Variants in SEMA6D observed in about 807,000 individuals in gnomAD.
SEMA6D encodes semaphorin 6D.
In SEMA6D, 35 loss-of-function variants were observed where a neutral mutation model predicts 106.6. The observed-to-expected ratio is 0.33, with a 90% CI of 0.25 to 0.44. The LOEUF (loss-of-function observed/expected upper bound fraction) is 0.44. Among genes scored for constraint, SEMA6D ranks in the 20% least tolerant of loss-of-function variants. The pLI is 1.00. For synonymous variants in SEMA6D, 499 were observed against 487.7 expected (o/e 1.02, Z -0.31); for missense variants, 1,185 against 1,345.9 (o/e 0.88, Z 1.87).
At chr15:47,268,858 C>T (rs1171073072) in intron 1 of SEMA6D, among the ~76,000 whole-genome samples, 2 of 152,084 alleles carry the variant, frequency 1.3e-5, no homozygotes, top group Non-Finnish European at 2.9e-5. Context: ...GATTGCTTAC[C>T]ACCCTACCCT....
chr15:47,633,761 A>G (rs1772296243), intron 4 of SEMA6D, among the ~76,000 whole-genome samples: 1 of 152,184 alleles, frequency 6.6e-6, no homozygotes, highest in Non-Finnish European at 1.5e-5. Context: ...GAAGATACAA[A>G]CGATAACTCT....
intron 3 of SEMA6D, among the ~76,000 whole-genome samples, chr15:47,520,413 C>T (rs1381171544): frequency 6.6e-6 from 1 of 152,118 alleles, no homozygotes; most frequent in Non-Finnish European, 1.5e-5. Context: ...TTCTTCACCA[C>T]ATCGCAATTT....
At chr15:47,318,024 CT>C (rs71425594) in intron 1 of SEMA6D, among the ~76,000 whole-genome samples, 6,738 of 116,872 alleles carry the variant, frequency 0.058, 407 homozygotes, top group African/African-American at 0.18. Flanking sequence ...TCCCACAGTT[CT>C]TTTTTTTTTT....
At chr15:47,245,030 GT>G (rs71425590) in intron 1 of SEMA6D, among the ~76,000 whole-genome samples, 15,050 of 147,900 alleles carry the variant, frequency 0.1, 1,190 homozygotes, top group African/African-American at 0.23. Flanking sequence ...ACATGATTTT[GT>G]TTTTTTTTTT....
chr15:47,505,586 T>G (rs919280983), intron 3 of SEMA6D, among the ~76,000 whole-genome samples: 1 of 152,210 alleles, frequency 6.6e-6, no homozygotes, highest in Non-Finnish European at 1.5e-5. Flanking sequence ...CTGACATCCT[T>G]GTTCTTAGGA....
chr15:47,650,161 A>G (rs2077658422), intron 4 of SEMA6D, among the ~76,000 whole-genome samples: 1 of 152,124 alleles, frequency 6.6e-6, no homozygotes. Flanking sequence ...GGGTTAACTG[A>G]CTTGTGCAAA....
Position 47,771,054 on chromosome 15 carries a change from C to T in SEMA6D, c.2491C>T (p.Pro831Ser). ...GCATATCCCCAGTGCCATTGTTCTT[C>T]CAAATGCTACCCATGACTACAACAC... ...HGHIPSAIVL[P>S]NATHDYNTSF... Residue 831 changes from proline (P) to serine (S), a missense_variant, in exon 19 of 19, where the codon CCA becomes TCA. Pro to Ser is a moderately conservative substitution (Grantham distance 74). Coordinates refer to ENST00000536845, the MANE Select transcript of SEMA6D (RefSeq NM_001358351.3). The T allele has an allele frequency of 6.2e-7, 1 of 1,614,142 alleles. No individual in the cohort carries two copies.
intron 4 of SEMA6D, among the ~76,000 whole-genome samples, chr15:47,638,629 A>G (rs951093336): frequency 2.6e-5 from 4 of 152,220 alleles, no homozygotes; most frequent in Admixed American, 6.5e-5. Context: ...TCAATGTACT[A>G]TTTCAAATGT....
intron 3 of SEMA6D, among the ~76,000 whole-genome samples, chr15:47,522,888 A>T (rs546310039): frequency 1.2e-4 from 18 of 152,318 alleles, no homozygotes; most frequent in African/African-American, 4.3e-4. Flanking sequence ...TCTATAAGGG[A>T]TGATGAAGCT....
At chr15:47,228,510 T>A (rs1018872351) in intron 1 of SEMA6D, among the ~76,000 whole-genome samples, 15 of 152,130 alleles carry the variant, frequency 9.9e-5, no homozygotes, top group South Asian at 4.1e-4. Flanking sequence ...TCTCAGTCAG[T>A]TCCTAGTTGA....
chr15:47,555,384 A>G (rs1382495589), intron 3 of SEMA6D, among the ~76,000 whole-genome samples: 1 of 152,198 alleles, frequency 6.6e-6, no homozygotes, highest in Non-Finnish European at 1.5e-5. Context: ...AAACTGACAA[A>G]TTAATTCAGT....
intron 4 of SEMA6D, among the ~76,000 whole-genome samples, chr15:47,698,921 A>G (rs2078754754): frequency 1.3e-5 from 2 of 152,168 alleles, no homozygotes; most frequent in African/African-American, 4.8e-5. Flanking sequence ...TACCACCACC[A>G]TTCCAAGGCG....
chr15:47,254,230 A>C (rs992366419), intron 1 of SEMA6D, among the ~76,000 whole-genome samples: 1 of 150,364 alleles, frequency 6.7e-6, no homozygotes, highest in African/African-American at 2.4e-5. Flanking sequence ...TAGTTATAAT[A>C]GTTTTTGGTG....
At chr15:47,507,906 G>T (rs1351731657) in intron 3 of SEMA6D, among the ~76,000 whole-genome samples, 1 of 152,134 alleles carries the variant, frequency 6.6e-6, no homozygotes, top group East Asian at 1.9e-4. Context: ...AGTACCTTCG[G>T]GCTACAGATG....
intron 1 of SEMA6D, among the ~76,000 whole-genome samples, chr15:47,255,982 A>G (rs965110074): frequency 9.2e-5 from 14 of 151,968 alleles, no homozygotes; most frequent in African/African-American, 3.1e-4. Context: ...CTTTTTCACC[A>G]CTCTAAAATA....
chr15:47,598,124 C>T (rs1160177227), intron 3 of SEMA6D, among the ~76,000 whole-genome samples: 2 of 151,904 alleles, frequency 1.3e-5, no homozygotes, highest in Non-Finnish European at 2.9e-5. Flanking sequence ...TCCAGGACCA[C>T]CACCTCTTTG....
chr15:47,335,455 C>T (rs905141459), intron 1 of SEMA6D, among the ~76,000 whole-genome samples: 3 of 152,048 alleles, frequency 2.0e-5, no homozygotes, highest in African/African-American at 7.2e-5. Flanking sequence ...GCCCAACTCT[C>T]CCTATAAATG....
intron 1 of SEMA6D, among the ~76,000 whole-genome samples, chr15:47,367,896 A>G (rs1342752393): frequency 6.6e-6 from 1 of 152,098 alleles, no homozygotes; most frequent in African/African-American, 2.4e-5. Flanking sequence ...CATAGTCAAA[A>G]ATTCCAGTTT....
chr15:47,236,659 G>A (rs2032563880), intron 1 of SEMA6D, among the ~76,000 whole-genome samples: 1 of 152,078 alleles, frequency 6.6e-6, no homozygotes, highest in Admixed American at 6.6e-5. Flanking sequence ...GAGGTTATCA[G>A]AAAGAATAAT....
Sources: allele counts gnomAD v4.1 joint callset (sites outside exome capture counted in the v4.1 genomes callset), GRCh38; gene constraint gnomAD v4.1.1; transcripts MANE v1.5; gene names NCBI Gene and HGNC (gene_info 2026-07-23, HGNC 2026-07-21).